The following TBC1D8 variants were observed in gnomAD, a reference collection of about 807,000 sequenced individuals.
TBC1D8 encodes TBC1 domain family member 8.
Under a neutral mutation model 118.8 loss-of-function variants are expected in TBC1D8, and 65 were observed. That is an observed-to-expected ratio of 0.55 (90% CI 0.45 to 0.67). The LOEUF (loss-of-function observed/expected upper bound fraction) is 0.67. Among genes scored for constraint, TBC1D8 ranks in the 30% least tolerant of loss-of-function variants. The pLI is 0.00. For missense variants in TBC1D8, 1,376 were observed against 1,471.2 expected, an observed-to-expected ratio of 0.94 and a Z score of 1.06; for synonymous variants, 566 against 595.8, an observed-to-expected ratio of 0.95 and a Z score of 0.73.
rs151041325 is a variant in TBC1D8 at position 101,014,048 on chromosome 2, A to G, written c.2828-2508T>C. On this transcript the variant is annotated intron_variant, in intron 17 of 19. Coordinates refer to ENST00000409318, the MANE Select transcript of TBC1D8 (RefSeq NM_001330348.2). ...TTCTCAAGGATCTACTGTAAGAAAA[A>G]TCACTTGAGATGCAACAGCTACTGG... is the stretch of plus-strand genomic sequence containing the variant. 3.1e-3 allele frequency among the ~76,000 whole-genome samples: 478 copies of G among 152,310 alleles called. 1 individual carries two copies. Among genetic ancestry groups the G allele is most frequent in the African/African-American group, 0.011 (454 of 41,568 alleles).
chr2:101,027,951 T>A, intron 14 of TBC1D8, 97 bp downstream of exon 14: 1 of 1,061,040 alleles, frequency 9.4e-7, no homozygotes, highest in Non-Finnish European at 1.4e-6. Context: ...TATATATACA[T>A]TTTTCAAAGC....
chr2:101,149,938 T>TG (rs1679481240), intron 1 of TBC1D8, among the ~76,000 whole-genome samples: 1 of 152,170 alleles, frequency 6.6e-6, no homozygotes, highest in South Asian at 2.1e-4. Context: ...TCCAGAATCC[T>TG]AACTACACTC....
At position 101,033,913 on chromosome 2, in the gene TBC1D8, C is replaced by T. The variant is rs372572058; in HGVS notation, c.1604-155G>A. Among the ~76,000 whole-genome samples, 496 of 152,270 alleles carry T rather than the reference C, an allele frequency of 3.3e-3. 5 individuals carry two copies. The highest frequency in any genetic ancestry group is 0.012 in the African/African-American group (480 of 41,552). On this transcript the variant is annotated intron_variant, in intron 9 of 19. Coordinates refer to ENST00000409318, the MANE Select transcript of TBC1D8 (RefSeq NM_001330348.2). The stretch of plus-strand genomic sequence containing the variant: ...GTGCGGTGGCTCACGCCTGTAATCC[C>T]AGCATTTTGGGAGGCCGAGGCGGGT...
chr2:101,036,157 C>G lies in TBC1D8; in HGVS notation c.1464G>C (p.Gln488His). The G allele has an allele frequency of 6.2e-7, 1 of 1,613,790 alleles. No homozygotes were observed. Reference sequence around the variant, plus strand: ...GGTCATTCCACAGGCTTATTTTTATCTGTTCTCTGGACTGGAAATGGGAAT... The same window carrying G: ...GGTCATTCCACAGGCTTATTTTTATGTGTTCTCTGGACTGGAAATGGGAAT... ...QSPDSRMSRE[Q>H]IKISLWNDHF... The change falls in exon 9 of 20, where the codon CAG (glutamine) becomes CAC (histidine). Residue 488 changes from glutamine (Q) to histidine (H), a missense_variant. Coordinates refer to ENST00000409318, the MANE Select transcript of TBC1D8 (RefSeq NM_001330348.2).
chr2:101,065,724 A>C (rs927636294), intron 2 of TBC1D8, among the ~76,000 whole-genome samples: 3 of 152,178 alleles, frequency 2.0e-5, no homozygotes, highest in Non-Finnish European at 4.4e-5. Flanking sequence ...CCTTCAAGTG[A>C]AATTAAAGAG....
chr2:101,078,139 A>G (rs566828849), intron 2 of TBC1D8, among the ~76,000 whole-genome samples: 1 of 152,272 alleles, frequency 6.6e-6, no homozygotes, highest in African/African-American at 2.4e-5. Context: ...TATCCTTGAA[A>G]AACCCTAGCC....
chr2:101,088,058 A>G (rs1054888280), intron 2 of TBC1D8, among the ~76,000 whole-genome samples: 1 of 152,236 alleles, frequency 6.6e-6, no homozygotes, highest in African/African-American at 2.4e-5. Context: ...ATTGAAATCA[A>G]GCAAGTGTAA....
At chr2:101,077,685 T>C (rs905900785) in intron 2 of TBC1D8, among the ~76,000 whole-genome samples, 2 of 152,018 alleles carry the variant, frequency 1.3e-5, no homozygotes, top group African/African-American at 4.8e-5. Flanking sequence ...CCAGGCCCCA[T>C]CTCCAACACT....
intron 1 of TBC1D8, among the ~76,000 whole-genome samples, chr2:101,092,731 C>T (rs1365816748): frequency 6.6e-6 from 1 of 152,118 alleles, no homozygotes; most frequent in Non-Finnish European, 1.5e-5. Context: ...CTTGTACTTT[C>T]ACTACTCTGG....
At chr2:101,093,407 G>T (rs943701205) in intron 1 of TBC1D8, among the ~76,000 whole-genome samples, 3 of 152,076 alleles carry the variant, frequency 2.0e-5, no homozygotes, top group African/African-American at 7.2e-5. Flanking sequence ...ACATTTACAT[G>T]TATTTGCATT....
At chr2:101,122,600 C>T (rs1182327416) in intron 1 of TBC1D8, among the ~76,000 whole-genome samples, 2 of 152,072 alleles carry the variant, frequency 1.3e-5, no homozygotes, top group South Asian at 2.1e-4. Context: ...TCCAATAATA[C>T]TCTATTGACG....
At chr2:101,140,233 A>G (rs1408019733) in intron 1 of TBC1D8, among the ~76,000 whole-genome samples, 1 of 152,132 alleles carries the variant, frequency 6.6e-6, no homozygotes, top group Non-Finnish European at 1.5e-5. Flanking sequence ...GCAACTCTAA[A>G]CCTATTTCCT....
chr2:101,009,805 T>C (rs2105357108), intron 19 of TBC1D8, among the ~76,000 whole-genome samples: 1 of 149,458 alleles, frequency 6.7e-6, no homozygotes, highest in South Asian at 2.1e-4. Flanking sequence ...ATGACTTAAG[T>C]CCTATAAAAA....
chr2:101,132,547 C>T (rs1488200383), intron 1 of TBC1D8, among the ~76,000 whole-genome samples: 1 of 152,192 alleles, frequency 6.6e-6, no homozygotes, highest in Non-Finnish European at 1.5e-5. Flanking sequence ...TTTTTGAAGA[C>T]ATAAATCCAC....
intron 17 of TBC1D8, among the ~76,000 whole-genome samples, chr2:101,012,756 A>G (rs1026774006): frequency 5.9e-5 from 9 of 152,248 alleles, no homozygotes; most frequent in Non-Finnish European, 8.8e-5. Flanking sequence ...CATATTTTAA[A>G]AAGTTTGGAA....
chr2:101,051,008 G>A (rs770300646), intron 4 of TBC1D8, among the ~76,000 whole-genome samples: 15 of 152,146 alleles, frequency 9.9e-5, no homozygotes, highest in African/African-American at 1.7e-4. Context: ...GGAAACATGC[G>A]GTATTTGGTT....
intron 1 of TBC1D8, among the ~76,000 whole-genome samples, chr2:101,146,541 G>T (rs1040389988): frequency 6.6e-6 from 1 of 152,070 alleles, no homozygotes; most frequent in South Asian, 2.1e-4. Flanking sequence ...ACAGCTGGGT[G>T]GTGATATTTG....
chr2:101,129,740 C>T (rs1049792287), intron 1 of TBC1D8, among the ~76,000 whole-genome samples: 2 of 151,788 alleles, frequency 1.3e-5, no homozygotes, highest in Non-Finnish European at 1.5e-5. Flanking sequence ...CCCATCTCTA[C>T]TAAAAATACA....
chr2:101,019,168 A>G (rs1679872809), intron 17 of TBC1D8: 2 of 1,304,248 alleles, frequency 1.5e-6, no homozygotes, highest in African/African-American at 2.9e-5. Flanking sequence ...GCAGAGGGCC[A>G]GGCCTGTTCT....
Sources: gnomAD v4.1 joint callset for allele counts (sites outside exome capture counted in the v4.1 genomes callset) on GRCh38, gnomAD v4.1.1 for gene constraint, MANE v1.5 for transcripts, NCBI Gene and HGNC (gene_info 2026-07-23, HGNC 2026-07-21) for gene names.